The following COL28A1 variants were observed in gnomAD, a reference collection of about 807,000 sequenced individuals.
COL28A1 encodes the protein collagen type XXVIII alpha 1 chain, also known as collagen alpha-1(XXVIII) chain.
A neutral mutation model predicts 150.2 loss-of-function variants in COL28A1; 161 were observed. The ratio of observed to expected loss-of-function variants is 1.07; its 90% CI spans 0.94 to 1.22. COL28A1 has a LOEUF of 1.22. Among genes scored for constraint, COL28A1 ranks in the 50% most tolerant of loss-of-function variants. COL28A1 has a pLI of 0.00. For synonymous variants in COL28A1, 552 were observed against 469.7 expected, an observed-to-expected ratio of 1.18 and a Z score of -2.26; for missense variants, 1,617 against 1,388.3, an observed-to-expected ratio of 1.16 and a Z score of -2.62.
intron 6 of COL28A1, among the ~76,000 whole-genome samples, chr7:7,519,848 G>C (rs1310412497): frequency 6.6e-6 from 1 of 152,064 alleles, no homozygotes; most frequent in Non-Finnish European, 1.5e-5. Flanking sequence ...TAAACTTACT[G>C]ACTAAAATGT....
chr7:7,434,020 TA>T (rs1785172699), intron 23 of COL28A1, among the ~76,000 whole-genome samples: 1 of 152,156 alleles, frequency 6.6e-6, no homozygotes, highest in Admixed American at 6.5e-5. Context: ...TATACTCCAA[TA>T]AATGAATAAT....
intron 21 of COL28A1, 69 bp downstream of exon 21, chr7:7,440,721 T>G: frequency 1.5e-6 from 1 of 654,406 alleles, no homozygotes. Flanking sequence ...CAGTGGAAAT[T>G]TAATACTATA....
At chr7:7,526,581 A>G (rs942579862) in intron 3 of COL28A1, among the ~76,000 whole-genome samples, 3 of 152,232 alleles carry the variant, frequency 2.0e-5, no homozygotes, top group Admixed American at 6.5e-5. Context: ...CTACTGAAAT[A>G]AAGAAAAATT....
chr7:7,379,629 C>T (rs1233256294), intron 30 of COL28A1, among the ~76,000 whole-genome samples: 3 of 152,138 alleles, frequency 2.0e-5, no homozygotes, highest in African/African-American at 7.2e-5. Context: ...GTAAGGTTTA[C>T]TGGATACATC....
intron 28 of COL28A1, 126 bp from the exon 29 acceptor site, chr7:7,380,988 T>C: frequency 2.7e-6 from 2 of 754,050 alleles, no homozygotes; most frequent in East Asian, 2.5e-5. Flanking sequence ...TTTATACAAA[T>C]GCAGTATTTG....
chr7:7,526,664 C>G (rs1353445834), intron 3 of COL28A1, among the ~76,000 whole-genome samples: 2 of 151,618 alleles, frequency 1.3e-5, no homozygotes, highest in Non-Finnish European at 2.9e-5. Context: ...GAGATGGAGT[C>G]TCGCCCTGTC....
At chr7:7,398,653 C>T (rs1483686782) in intron 27 of COL28A1, among the ~76,000 whole-genome samples, 1 of 152,200 alleles carries the variant, frequency 6.6e-6, no homozygotes, top group African/African-American at 2.4e-5. Flanking sequence ...GTCCTGCCCT[C>T]CTATCTAAAC....
chr7:7,456,687 G>A (rs6947219), intron 15 of COL28A1, among the ~76,000 whole-genome samples: 2,420 of 152,216 alleles, frequency 0.016, 59 homozygotes, highest in African/African-American at 0.055. Flanking sequence ...TCTTTATACA[G>A]GTGTTTGTTG....
intron 9 of COL28A1, among the ~76,000 whole-genome samples, chr7:7,509,085 T>A (rs1468626431): frequency 2.0e-5 from 3 of 152,006 alleles, no homozygotes; most frequent in Non-Finnish European, 4.4e-5. Context: ...CTGCCCACCT[T>A]GGCCTCCAAA....
chr7:7,433,980 A>G (rs1785168697), intron 23 of COL28A1, among the ~76,000 whole-genome samples: 1 of 152,204 alleles, frequency 6.6e-6, no homozygotes, highest in Non-Finnish European at 1.5e-5. Flanking sequence ...AATACTGCCC[A>G]AAGTCCAACT....
rs368377189 is a variant in COL28A1, at chr7:7,534,978, G to A, written c.-38+772C>T. On this transcript the variant is annotated intron_variant, in intron 1 of 34. Transcript: ENST00000399429. ...ACTGCTTCCCTGAAATATCTTTCTCGTTTATTAATTTGGCATCTTGAGAGC... is the reference window on the plus strand; with the variant it reads ...ACTGCTTCCCTGAAATATCTTTCTCATTTATTAATTTGGCATCTTGAGAGC... 7.9e-5 allele frequency among the ~76,000 whole-genome samples: 12 copies of A among 151,914 alleles called. No homozygotes were observed. In the East Asian group the frequency reaches 1.5e-3, roughly 20 times the overall value.
At position 7,373,432 on chromosome 7, in the gene COL28A1, G is replaced by A. The variant is rs1247354602; in HGVS notation, c.2474C>T (p.Ala825Val). The A allele has an allele frequency of 3.1e-6, 5 of 1,614,024 alleles. No homozygotes were observed. In the East Asian group the frequency reaches 8.9e-5, roughly 29 times the overall value. ...GGCAAGGTCCAGAGCAACCCGGTCA[G>A]CCATAGTCTTCACAAAATTTTTAAT... ...QIIKNFVKTM[A>V]DRVALDLATA... is the part of the protein sequence containing the mutation. The change falls in exon 32 of 35, where the codon GCT becomes GTT. Residue 825 changes from alanine (A) to valine (V), a missense_variant. By Grantham distance (64) the Ala-to-Val change is moderately conservative (BLOSUM62 0). Coordinates refer to ENST00000399429, the MANE Select transcript of COL28A1 (RefSeq NM_001037763.3). This position sits in a 1 kb window ranked among gnomAD's most constrained non-coding sequence, Gnocchi z 4.1.
intron 14 of COL28A1, among the ~76,000 whole-genome samples, chr7:7,475,660 T>C (rs1417881964): frequency 6.6e-6 from 1 of 152,236 alleles, no homozygotes; most frequent in Non-Finnish European, 1.5e-5. Flanking sequence ...ATTTATTTCT[T>C]TCTCTTTAAA....
intron 7 of COL28A1, 110 bp from the exon 8 acceptor site, chr7:7,515,950 C>G (rs1474812161): frequency 4.7e-6 from 3 of 640,282 alleles, no homozygotes; most frequent in African/African-American, 3.8e-5. Flanking sequence ...TCTATACAGT[C>G]TGGAAAATTA....
the COL28A1 span, among the ~76,000 whole-genome samples, chr7:7,340,636 G>C: frequency 6.6e-6 from 1 of 151,956 alleles, no homozygotes; most frequent in Admixed American, 6.6e-5. Context: ...ACTAGGAATT[G>C]CCATTTCCCA....
At chr7:7,417,963 T>C in intron 26 of COL28A1, 36 bp from the exon 27 acceptor site, 1 of 1,551,292 alleles carries the variant, frequency 6.4e-7, no homozygotes, top group Non-Finnish European at 8.8e-7. Context: ...AGACAAAATG[T>C]AAGAAGATCG....
chr7:7,391,716 A>G (rs1455406259), intron 27 of COL28A1, among the ~76,000 whole-genome samples: 6 of 150,526 alleles, frequency 4.0e-5, no homozygotes, highest in African/African-American at 1.5e-4. Context: ...TGATCCCTTT[A>G]CCATTATGTA....
chr7:7,413,632 C>T (rs373390142), intron 27 of COL28A1, among the ~76,000 whole-genome samples: 16 of 152,306 alleles, frequency 1.1e-4, no homozygotes, highest in South Asian at 1.0e-3. Flanking sequence ...GAGGCCCAGC[C>T]AACAGAAGAA....
intron 14 of COL28A1, among the ~76,000 whole-genome samples, chr7:7,476,199 T>C (rs915586257): frequency 6.6e-6 from 1 of 152,184 alleles, no homozygotes; most frequent in African/African-American, 2.4e-5. Context: ...TGTGTGTATA[T>C]GCATGTGTGT....
Sources: allele counts gnomAD v4.1 joint callset (sites outside exome capture counted in the v4.1 genomes callset), GRCh38; gene constraint gnomAD v4.1.1; non-coding constraint Gnocchi (gnomAD v3.1); transcripts MANE v1.5; gene names NCBI Gene and HGNC (gene_info 2026-07-23, HGNC 2026-07-21).